The following LRP1B variants were observed in gnomAD, a reference collection of about 807,000 sequenced individuals.
LRP1B encodes low-density lipoprotein receptor-related protein 1B.
LRP1B carries 217 observed loss-of-function variants against 556.6 expected under a neutral mutation model. The observed-to-expected ratio is 0.39, with a 90% confidence interval of 0.35 to 0.44. LRP1B has a LOEUF of 0.44. Ranked by LOEUF, LRP1B falls within the 20% of genes least tolerant of loss-of-function variation. LRP1B has a pLI of 1.00. For synonymous variants in LRP1B, 2,047 were observed against 1,865.8 expected, an observed-to-expected ratio of 1.10 and a Z score of -2.50; for missense variants, 5,053 against 5,620.8, an observed-to-expected ratio of 0.90 and a Z score of 3.23.
intron 1 of LRP1B, among the ~76,000 whole-genome samples, chr2:142,089,250 C>A (rs1317567187): frequency 6.6e-6 from 1 of 151,880 alleles, no homozygotes; most frequent in East Asian, 1.9e-4. Context: ...TCTACAATAT[C>A]CTTTGATAGA....
intron 1 of LRP1B, among the ~76,000 whole-genome samples, chr2:141,919,792 G>A (rs113570789): frequency 1.3e-3 from 201 of 152,066 alleles, no homozygotes; most frequent in Non-Finnish European, 2.5e-3. Context: ...ACCTTATGAA[G>A]TGATTTCATT....
chr2:141,211,489 G>A (rs1249942623), intron 6 of LRP1B, among the ~76,000 whole-genome samples: 6 of 151,720 alleles, frequency 4.0e-5, no homozygotes. Flanking sequence ...CCCTGGTGGT[G>A]CGTGCCTGTA....
intron 46 of LRP1B, 79 bp downstream of exon 46, chr2:140,536,502 C>G: frequency 7.3e-7 from 1 of 1,376,282 alleles, no homozygotes; most frequent in Non-Finnish European, 1.0e-6. Flanking sequence ...ACGTAAACCA[C>G]ACCGAGACAA....
intron 6 of LRP1B, among the ~76,000 whole-genome samples, chr2:141,213,460 C>T (rs1010312739): frequency 1.3e-5 from 2 of 152,134 alleles, no homozygotes; most frequent in African/African-American, 4.8e-5. Context: ...TACTCGCACA[C>T]ACCCCCACAG....
chr2:141,798,054 A>G (rs937545030), intron 2 of LRP1B, among the ~76,000 whole-genome samples: 1 of 152,184 alleles, frequency 6.6e-6, no homozygotes, highest in African/African-American at 2.4e-5. Context: ...GGAATTAGAT[A>G]TTATACAATA....
intron 3 of LRP1B, among the ~76,000 whole-genome samples, chr2:141,261,899 A>G (rs1684704498): frequency 6.6e-6 from 1 of 152,088 alleles, no homozygotes; most frequent in African/African-American, 2.4e-5. Flanking sequence ...TTATTTGGGT[A>G]AATATGGGAT....
chr2:140,897,510 T>C (rs1693987329), intron 23 of LRP1B, among the ~76,000 whole-genome samples: 1 of 152,180 alleles, frequency 6.6e-6, no homozygotes, highest in Admixed American at 6.5e-5. Context: ...TGCAAAGTAT[T>C]GTTCCGGGGT....
intron 26 of LRP1B, 77 bp downstream of exon 26, chr2:140,868,022 A>G (rs1461662136): frequency 6.9e-7 from 1 of 1,453,840 alleles, no homozygotes; most frequent in Non-Finnish European, 9.2e-7. Context: ...TGATACTGAC[A>G]TGTTAGGACA....
intron 84 of LRP1B, among the ~76,000 whole-genome samples, chr2:140,284,994 A>G (rs1355411193): frequency 7.1e-6 from 1 of 141,178 alleles, no homozygotes; most frequent in Non-Finnish European, 1.6e-5. Context: ...GTTCATATCC[A>G]TATACCTAGA....
intron 7 of LRP1B, among the ~76,000 whole-genome samples, chr2:141,111,173 T>G (rs1305184893): frequency 1.3e-5 from 2 of 151,566 alleles, no homozygotes; most frequent in African/African-American, 4.9e-5. Context: ...AATAAAAATA[T>G]CAAAAATGTC....
At chr2:141,256,327 A>T (rs905693423) in intron 3 of LRP1B, among the ~76,000 whole-genome samples, 2 of 152,066 alleles carry the variant, frequency 1.3e-5, no homozygotes, top group African/African-American at 4.8e-5. Flanking sequence ...AACACAGGCA[A>T]CAATAACGAA....
rs554076303 is a variant in LRP1B at position 141,692,654 on chromosome 2, C to T, written c.205+117625G>A. Among the ~76,000 whole-genome samples, 106 of 152,062 alleles carry T rather than the reference C, an allele frequency of 7.0e-4. 2 individuals are homozygous for T. In the South Asian group the frequency reaches 0.02, roughly 29 times the overall value. On this transcript the variant is annotated intron_variant, in intron 2 of 90. Transcript: ENST00000389484. ...AGTCCCTCCAAGAAGGGTATATGTT[C>T]TGAGAAACGTGTGCTTAGGTCATTT...
chr2:140,331,051 C>T (rs928330834), intron 79 of LRP1B, among the ~76,000 whole-genome samples: 2 of 152,028 alleles, frequency 1.3e-5, no homozygotes, highest in African/African-American at 4.8e-5. Flanking sequence ...TACTATTTGG[C>T]CCAGCAACCC....
chr2:140,574,544 C>T (rs1314310696), intron 43 of LRP1B, among the ~76,000 whole-genome samples: 1 of 152,158 alleles, frequency 6.6e-6, no homozygotes, highest in Non-Finnish European at 1.5e-5. Flanking sequence ...GCAATATAAT[C>T]AGCTCTCTTG....
intron 18 of LRP1B, among the ~76,000 whole-genome samples, chr2:140,981,689 C>A (rs117032610): frequency 2.6e-5 from 4 of 152,074 alleles, no homozygotes; most frequent in Non-Finnish European, 4.4e-5. Flanking sequence ...TACGACTCTA[C>A]GGAAATGAAA....
chr2:141,180,414 T>G (rs1680940061), intron 7 of LRP1B, among the ~76,000 whole-genome samples: 1 of 151,942 alleles, frequency 6.6e-6, no homozygotes, highest in Admixed American at 6.6e-5. Context: ...TTTATGCTAT[T>G]TGCACAAACA....
intron 3 of LRP1B, among the ~76,000 whole-genome samples, chr2:141,434,253 A>G (rs943678946): frequency 9.2e-5 from 14 of 151,804 alleles, no homozygotes; most frequent in African/African-American, 3.4e-4. Context: ...GGTGTCTGAC[A>G]TTTCTCTGGG....
chr2:141,790,631 T>C (rs1184226149), intron 2 of LRP1B, among the ~76,000 whole-genome samples: 3 of 151,762 alleles, frequency 2.0e-5, no homozygotes, highest in Non-Finnish European at 2.9e-5. Flanking sequence ...AGCAGCACCA[T>C]CCTACATTCT....
chr2:140,426,181 T>G (rs556707437), intron 66 of LRP1B, among the ~76,000 whole-genome samples: 4 of 152,322 alleles, frequency 2.6e-5, no homozygotes, highest in African/African-American at 9.6e-5. Context: ...CAACCTTGTG[T>G]GTAGTTCTTC....
Sources: gnomAD v4.1 joint callset for allele counts (sites outside exome capture counted in the v4.1 genomes callset) on GRCh38, gnomAD v4.1.1 for gene constraint, MANE v1.5 for transcripts, NCBI Gene and HGNC (gene_info 2026-07-23, HGNC 2026-07-21) for gene names.